The following SDK1 variants were observed in gnomAD, a reference collection of about 807,000 sequenced individuals.
SDK1 encodes the protein protein sidekick-1.
A neutral mutation model predicts 245.5 loss-of-function variants in SDK1; 157 were observed. That is an observed-to-expected ratio of 0.64 (90% CI 0.56 to 0.73). The LOEUF (loss-of-function observed/expected upper bound fraction) is 0.73. Among genes scored for constraint, SDK1 ranks in the 30% least tolerant of loss-of-function variants. The probability of loss-of-function intolerance (pLI) is 0.00; values close to 1 mark genes in which losing one functional copy is unlikely to be tolerated. For synonymous variants in SDK1, 1,647 were observed against 1,278.5 expected, an observed-to-expected ratio of 1.29 and a Z score of -6.15; for missense variants, 3,583 against 3,002.3, an observed-to-expected ratio of 1.19 and a Z score of -4.52.
At chr7:3,591,913 G>A (rs566800242) in intron 1 of SDK1, among the ~76,000 whole-genome samples, 2 of 152,320 alleles carry the variant, frequency 1.3e-5, no homozygotes, top group East Asian at 3.9e-4. Flanking sequence ...AGTTTGAGAG[G>A]ACTGGGGTCA....
chr7:3,531,532 G>C (rs1470532800), intron 1 of SDK1, among the ~76,000 whole-genome samples: 1 of 152,116 alleles, frequency 6.6e-6, no homozygotes, highest in African/African-American at 2.4e-5. Context: ...AATGTAGTTT[G>C]GTTAGAACAT....
intron 14 of SDK1, among the ~76,000 whole-genome samples, chr7:3,993,863 G>A (rs968108402): frequency 4.6e-5 from 7 of 152,168 alleles, no homozygotes; most frequent in South Asian, 2.1e-4. Flanking sequence ...CCATATTGTC[G>A]TTGTTGTAAA....
intron 4 of SDK1, among the ~76,000 whole-genome samples, chr7:3,702,533 A>G (rs1286308522): frequency 1.3e-5 from 2 of 152,200 alleles, no homozygotes; most frequent in Admixed American, 6.5e-5. Flanking sequence ...TCACCTGCTT[A>G]GTCTTCTGCC....
intron 35 of SDK1, among the ~76,000 whole-genome samples, chr7:4,192,208 C>T (rs965407834): frequency 1.3e-4 from 20 of 152,182 alleles, no homozygotes; most frequent in African/African-American, 4.3e-4. Flanking sequence ...CTGTCAGTGC[C>T]ATTTTCCCAA....
At chr7:3,607,748 TC>T (rs1781467286) in intron 1 of SDK1, among the ~76,000 whole-genome samples, 1 of 152,246 alleles carries the variant, frequency 6.6e-6, no homozygotes, top group Non-Finnish European at 1.5e-5. Flanking sequence ...AAGTTCAAGA[TC>T]CAGCATTCTG....
chr7:3,880,514 G>A lies in SDK1; in HGVS notation c.847+58931G>A, dbSNP rs190307805. Among the ~76,000 whole-genome samples, 259 of 150,504 alleles carry A rather than the reference G, an allele frequency of 1.7e-3. 1 individual carries two copies. Among genetic ancestry groups the A allele is most frequent in the African/African-American group, 5.5e-3 (224 of 41,028 alleles). On this transcript the variant is annotated intron_variant, in intron 5 of 44. Coordinates refer to ENST00000404826, the MANE Select transcript of SDK1 (RefSeq NM_152744.4). ...AAAAAGTGCAGCGATGCGCAGATGCGTGGTGACATTTTAAAACAATGCCCT... is the reference window on the plus strand; with the variant it reads ...AAAAAGTGCAGCGATGCGCAGATGCATGGTGACATTTTAAAACAATGCCCT...
intron 5 of SDK1, among the ~76,000 whole-genome samples, chr7:3,900,509 CCTT>C (rs1781750935): frequency 6.6e-6 from 1 of 152,146 alleles, no homozygotes. Context: ...TCCTGCCCAT[CCTT>C]CTTGGCTTCA....
intron 1 of SDK1, 89 bp downstream of exon 1, chr7:3,301,973 C>T (rs1321768641): frequency 1.0e-6 from 1 of 975,512 alleles, no homozygotes; most frequent in Non-Finnish European, 1.2e-6. Context: ...CGGGGTCCCC[C>T]CGCTTCCCGG....
At chr7:4,051,131 TATATA>T (rs931483213) in intron 18 of SDK1, among the ~76,000 whole-genome samples, 120 of 139,594 alleles carry the variant, frequency 8.6e-4, no homozygotes, top group African/African-American at 2.5e-3. Context: ...ATACATATTA[TATATA>T]ATATATGTAT....
chr7:3,510,382 T>C (rs1026698967), intron 1 of SDK1, among the ~76,000 whole-genome samples: 3 of 152,220 alleles, frequency 2.0e-5, no homozygotes, highest in Non-Finnish European at 4.4e-5. Flanking sequence ...CCAAGTTTTT[T>C]AGTTATGTTC....
intron 4 of SDK1, among the ~76,000 whole-genome samples, chr7:3,778,276 A>G (rs1014222374): frequency 6.6e-6 from 1 of 152,012 alleles, no homozygotes; most frequent in Non-Finnish European, 1.5e-5. Flanking sequence ...TTTTAATAGT[A>G]GTTTCCTAAA....
chr7:3,470,638 G>A (rs1781155405), intron 1 of SDK1, among the ~76,000 whole-genome samples: 1 of 152,086 alleles, frequency 6.6e-6, no homozygotes, highest in Non-Finnish European at 1.5e-5. Flanking sequence ...GGAAACAAAA[G>A]GAAAATCTTA....
At chr7:3,873,201 A>G (rs955591103) in intron 5 of SDK1, among the ~76,000 whole-genome samples, 3 of 151,982 alleles carry the variant, frequency 2.0e-5, no homozygotes, top group African/African-American at 7.2e-5. Context: ...TTTAGAGGAT[A>G]TTTTTACTGG....
chr7:3,853,267 G>A lies in SDK1; in HGVS notation c.847+31684G>A, dbSNP rs1225070301. Among the ~76,000 whole-genome samples, 4 of 152,136 alleles carry A rather than the reference G, an allele frequency of 2.6e-5. No homozygotes were observed. The East Asian group carries it at 7.7e-4, about 29-fold the overall frequency. The stretch of plus-strand genomic sequence containing the variant: ...AGCCTCGACTTGGACATGGTTTGTA[G>A]TCCTAAGTGGATTCTGGAGTTCATT... On this transcript the variant is annotated intron_variant, in intron 5 of 44. Transcript: ENST00000404826.
intron 1 of SDK1, among the ~76,000 whole-genome samples, chr7:3,521,920 A>G (rs1481405020): frequency 2.0e-5 from 3 of 152,194 alleles, no homozygotes; most frequent in Non-Finnish European, 2.9e-5. Context: ...TAAGTGTTTC[A>G]TAAAGATGAG....
intron 4 of SDK1, among the ~76,000 whole-genome samples, chr7:3,747,570 G>A (rs1779660827): frequency 6.6e-6 from 1 of 152,208 alleles, no homozygotes; most frequent in Non-Finnish European, 1.5e-5. Flanking sequence ...GAATAGAGTA[G>A]TGATGAAAAC....
At chr7:3,325,415 C>T (rs894125135) in intron 1 of SDK1, among the ~76,000 whole-genome samples, 1 of 151,942 alleles carries the variant, frequency 6.6e-6, no homozygotes, top group African/African-American at 2.4e-5. Flanking sequence ...TTTATATTTT[C>T]ATTGATATTC....
intron 5 of SDK1, among the ~76,000 whole-genome samples, chr7:3,949,876 A>G (rs2128124740): frequency 6.6e-6 from 1 of 152,314 alleles, no homozygotes; most frequent in Middle Eastern, 3.4e-3. Context: ...ACAGAACTGA[A>G]CCCTTTGTTA....
intron 1 of SDK1, among the ~76,000 whole-genome samples, chr7:3,570,477 G>A (rs1425968731): frequency 3.9e-5 from 6 of 152,092 alleles, no homozygotes; most frequent in Non-Finnish European, 5.9e-5. Flanking sequence ...TCCACAGCCC[G>A]GAGTTGGGGA....
Sources: gnomAD v4.1 joint callset for allele counts (sites outside exome capture counted in the v4.1 genomes callset) on GRCh38, gnomAD v4.1.1 for gene constraint, MANE v1.5 for transcripts, NCBI Gene and HGNC (gene_info 2026-07-23, HGNC 2026-07-21) for gene names.